Variants in SMIM40 observed in about 807,000 individuals in gnomAD.
SMIM40 encodes small integral membrane protein 40.
chr6:33,328,229 C>T (rs1016014504), intron 1 of SMIM40, among the ~76,000 whole-genome samples: 11 of 151,424 alleles, frequency 7.3e-5, no homozygotes, highest in African/African-American at 2.7e-4. Context: ...CGCTCTGTCA[C>T]CCAGGCCGGA....
chr6:33,323,878 T>C lies in SMIM40; in HGVS notation c.*100-14A>G, dbSNP rs1234796843. 6.6e-6 allele frequency: 1 copy of C among 152,240 alleles called. No homozygotes were observed. Among genetic ancestry groups the C allele is most frequent in the Non-Finnish European group, 1.5e-5 (1 of 68,092 alleles). The allele number at this position is 152,240 out of a possible 1,614,324, so 9.4% of individuals were successfully genotyped here. On this transcript the variant is annotated splice_polypyrimidine_tract_variant and intron_variant, in intron 2 of 2. Coordinates refer to ENST00000494082, the MANE Select transcript of SMIM40 (RefSeq NM_001369203.1). ...CTGCGAGGGCTGCTGTGAGGCGAAATGAGGCTCATAAAATACTTTGGGTCT... is the reference window on the plus strand; with the variant it reads ...CTGCGAGGGCTGCTGTGAGGCGAAACGAGGCTCATAAAATACTTTGGGTCT...
At chr6:33,325,593 G>T (rs1771118290) in intron 1 of SMIM40, among the ~76,000 whole-genome samples, 1 of 147,192 alleles carries the variant, frequency 6.8e-6, no homozygotes, top group Non-Finnish European at 1.5e-5. Flanking sequence ...TGTAATCCCA[G>T]CACTTTGGGA....
chr6:33,324,632 C>G, intron 1 of SMIM40, among the ~76,000 whole-genome samples: 1 of 140,052 alleles, frequency 7.1e-6, no homozygotes, highest in East Asian at 2.1e-4. Flanking sequence ...CGCCTGTAAT[C>G]CCAGCACTTT....
chr6:33,325,364 C>CAA (rs9282494), intron 1 of SMIM40, among the ~76,000 whole-genome samples: 3,360 of 89,280 alleles, frequency 0.038, 249 homozygotes, highest in African/African-American at 0.11. Context: ...GACTCTGTCT[C>CAA]AAAAAAAAAA....
intron 1 of SMIM40, among the ~76,000 whole-genome samples, chr6:33,325,065 T>A (rs959127532): frequency 4.0e-5 from 6 of 151,704 alleles, no homozygotes; most frequent in African/African-American, 1.2e-4. Flanking sequence ...CTAATTTTTT[T>A]AAAAAAAGTT....
At chr6:33,326,985 G>T (rs1471057479) in intron 1 of SMIM40, among the ~76,000 whole-genome samples, 1 of 148,588 alleles carries the variant, frequency 6.7e-6, no homozygotes, top group Non-Finnish European at 1.5e-5. Context: ...TTAGCTGGGT[G>T]TAGTGGCGGG....
chr6:33,326,796 C>T lies in SMIM40; in HGVS notation c.*39+2191G>A, dbSNP rs542754316. On this transcript the variant is annotated intron_variant, in intron 1 of 2. Transcript: ENST00000494082. Reference sequence around the variant, plus strand: ...CCAAGATCACGCCACTGCACTCCAGCCTGGGCGATAGAGCAAGACTCTGTC... The same window carrying T: ...CCAAGATCACGCCACTGCACTCCAGTCTGGGCGATAGAGCAAGACTCTGTC... Among the ~76,000 whole-genome samples the T allele has an allele frequency of 4.9e-4, 72 of 148,246 alleles. 1 individual carries two copies. Among genetic ancestry groups the T allele is most frequent in the South Asian group, 1.0e-3 (5 of 4,778 alleles).
intron 1 of SMIM40, among the ~76,000 whole-genome samples, chr6:33,324,548 T>TC (rs201084227): frequency 1.8e-4 from 21 of 115,320 alleles, no homozygotes; most frequent in Non-Finnish European, 2.7e-4. Flanking sequence ...ACCTTTTCTT[T>TC]TTTTTTTTTT....
At chr6:33,328,537 T>C (rs997721742) in intron 1 of SMIM40, among the ~76,000 whole-genome samples, 1 of 151,980 alleles carries the variant, frequency 6.6e-6, no homozygotes, top group African/African-American at 2.4e-5. Flanking sequence ...CTTAAAGATA[T>C]ATGAAGGAGT....
intron 1 of SMIM40, among the ~76,000 whole-genome samples, chr6:33,327,467 G>A (rs528187295): frequency 3.3e-5 from 5 of 149,630 alleles, no homozygotes; most frequent in East Asian, 1.9e-4. Context: ...GTGGCTCACC[G>A]CCTATAATCC....
chr6:33,326,238 G>C (rs1264301761), intron 1 of SMIM40, among the ~76,000 whole-genome samples: 1 of 146,742 alleles, frequency 6.8e-6, no homozygotes, highest in Non-Finnish European at 1.5e-5. Context: ...TCTGCTTACT[G>C]CAACCTCCCA....
intron 1 of SMIM40, among the ~76,000 whole-genome samples, chr6:33,324,545 C>CTTTTTTTTTTTTTTTTTTTTTTTTTTT (rs9280406): frequency 9.7e-6 from 1 of 103,216 alleles, no homozygotes; most frequent in African/African-American, 3.6e-5. Flanking sequence ...ACCACCTTTT[C>CTTTTTTTTTTTTTTTTTTTTTTTTTTT]TTTTTTTTTT....
chr6:33,325,666 C>T (rs1376438946), intron 1 of SMIM40, among the ~76,000 whole-genome samples: 1 of 143,358 alleles, frequency 7.0e-6, no homozygotes, highest in Non-Finnish European at 1.5e-5. Context: ...ACGGTGAAAC[C>T]CTGTCTCTAC....
intron 1 of SMIM40, among the ~76,000 whole-genome samples, chr6:33,326,343 G>A (rs1581803692): frequency 1.1e-5 from 1 of 94,482 alleles, no homozygotes; most frequent in Admixed American, 1.0e-4. Context: ...TGTATTTTTT[G>A]TATTTTTTTT....
intron 1 of SMIM40, among the ~76,000 whole-genome samples, chr6:33,325,010 C>T (rs1467599888): frequency 6.6e-6 from 1 of 151,788 alleles, no homozygotes; most frequent in Admixed American, 6.6e-5. Flanking sequence ...AGCCATCCTC[C>T]CACCTCAAGT....
At chr6:33,326,922 G>A (rs1209425186) in intron 1 of SMIM40, among the ~76,000 whole-genome samples, 2 of 147,748 alleles carry the variant, frequency 1.4e-5, no homozygotes, top group African/African-American at 5.3e-5. Flanking sequence ...AGGAGTTCGA[G>A]ACCAGCCTGC....
intron 1 of SMIM40, among the ~76,000 whole-genome samples, chr6:33,325,364 C>CA (rs9282494): frequency 0.089 from 7,948 of 89,192 alleles, 1,149 homozygotes; most frequent in African/African-American, 0.3. Flanking sequence ...GACTCTGTCT[C>CA]AAAAAAAAAA....
In SMIM40 at chr6:33,325,514, T is replaced by G. The variant is rs920727944; in HGVS notation, c.*40-1484A>C. 5.3e-4 allele frequency among the ~76,000 whole-genome samples: 79 copies of G among 148,514 alleles called. 6 individuals carry two copies. The highest frequency in any genetic ancestry group is 2.0e-3 in the African/African-American group (77 of 38,354). On this transcript the variant is annotated intron_variant, in intron 1 of 2. Transcript: ENST00000494082. ...GTGAACCGCCACTCCCAGACTACTA[T>G]CTTATTAAATATTTCTTTTTAACAG...
intron 1 of SMIM40, among the ~76,000 whole-genome samples, chr6:33,328,669 C>A (rs1483546067): frequency 6.6e-6 from 1 of 151,742 alleles, no homozygotes; most frequent in East Asian, 2.0e-4. Context: ...CAGGCAGATA[C>A]CTGAGGTCGG....
Sources: allele counts gnomAD v4.1 joint callset (sites outside exome capture counted in the v4.1 genomes callset), GRCh38; gene constraint gnomAD v4.1.1; transcripts MANE v1.5; gene names NCBI Gene and HGNC (gene_info 2026-07-23, HGNC 2026-07-21).